LAMA1: variants seen among roughly 807,000 people sequenced by gnomAD.
The protein encoded by LAMA1 is laminin subunit alpha-1.
A neutral mutation model predicts 348.7 loss-of-function variants in LAMA1; 219 were observed. The observed-to-expected ratio is 0.63, with a 90% CI of 0.56 to 0.70. The LOEUF is 0.70. LAMA1 is among the 30% of genes least tolerant of loss of function. LAMA1 has a pLI of 0.00. For missense variants in LAMA1, 3,744 were observed against 3,888.0 expected (o/e 0.96, Z 0.99); for synonymous variants, 1,487 against 1,491.0 (o/e 1.00, Z 0.06).
intron 53 of LAMA1, 136 bp from the exon 54 acceptor site, chr18:6,959,628 T>C: frequency 2.3e-6 from 2 of 874,416 alleles, no homozygotes; most frequent in Non-Finnish European, 3.7e-6. Flanking sequence ...TCTTCAGCTG[T>C]CACAATGTTA....
chr18:6,979,792 G>A (rs866860493), intron 42 of LAMA1, among the ~76,000 whole-genome samples: 10 of 151,934 alleles, frequency 6.6e-5, no homozygotes, highest in African/African-American at 1.7e-4. Context: ...CCAGCTACTC[G>A]GGAGGCTGAG....
intron 59 of LAMA1, 64 bp downstream of exon 59, chr18:6,949,037 C>G: frequency 1.3e-6 from 2 of 1,593,804 alleles, no homozygotes; most frequent in Non-Finnish European, 1.7e-6. Flanking sequence ...GTGAGGTATG[C>G]TCTTCTACAA....
chr18:7,032,118 G>C lies in LAMA1; in HGVS notation c.2222C>G (p.Pro741Arg). The change falls in exon 16 of 63, where the codon CCC becomes CGC. Residue 741 changes from proline to arginine, a missense_variant. Around this residue, in one of 3 missense-constraint regions of LAMA1, gnomAD observed 1,529 missense variants for 1,689.4 expected, o/e 0.91. Transcript: ENST00000389658. Reference protein sequence around the residue: ...DGILFGGICQPCECHGHAAEC... With the variant: ...DGILFGGICQRCECHGHAAEC... ...AGCTGCATGGCCGTGGCATTCACAG[G>C]GTTGACAAATTCCTCCAAAGAGTAT... The C allele has an allele frequency of 6.2e-7, 1 of 1,614,152 alleles. No homozygotes were observed. Among genetic ancestry groups the C allele is most frequent in the Non-Finnish European group, 8.5e-7 (1 of 1,180,028 alleles).
chr18:6,965,901 C>A, intron 49 of LAMA1: 1 of 519,180 alleles, frequency 1.9e-6, no homozygotes, highest in Non-Finnish European at 3.4e-6. Context: ...TCTATAAAGA[C>A]TAGAAGGCTA....
At chr18:7,065,171 T>C (rs2058117566) in intron 3 of LAMA1, among the ~76,000 whole-genome samples, 1 of 147,228 alleles carries the variant, frequency 6.8e-6, no homozygotes, top group African/African-American at 2.6e-5. Flanking sequence ...AGGCGGAGGT[T>C]GCAGTGAGCT....
Position 7,007,165 on chromosome 18 carries a change from A to T in LAMA1, c.4234T>A (p.Cys1412Ser), listed in dbSNP as rs766015898. 6.2e-7 allele frequency: 1 copy of T among 1,614,152 alleles called. No individual in the cohort carries two copies. Among genetic ancestry groups the T allele is most frequent in the Non-Finnish European group, 8.5e-7 (1 of 1,180,016 alleles). ...AGACACTTCCCGGTGTTGGGGTCAC[A>T]GGTGTCACTGTGGTTGTTGCAACTG... ...PCSCNNHSDT[C>S]DPNTGKCLNC... The change falls in exon 29 of 63, where the codon TGT (cysteine) becomes AGT (serine). Residue 1412 changes from cysteine to serine, a missense_variant. Cys to Ser is a moderately radical substitution (Grantham distance 112, BLOSUM62 -1). Coordinates refer to ENST00000389658, the MANE Select transcript of LAMA1 (RefSeq NM_005559.4).
chr18:6,992,282 T>C (rs2057762243), intron 36 of LAMA1, among the ~76,000 whole-genome samples: 1 of 152,206 alleles, frequency 6.6e-6, no homozygotes, highest in Non-Finnish European at 1.5e-5. Context: ...ATGCTGTTTG[T>C]GCTAAGTGGA....
chr18:7,081,445 C>T (rs564636316), intron 1 of LAMA1, among the ~76,000 whole-genome samples: 3 of 152,132 alleles, frequency 2.0e-5, no homozygotes, highest in Admixed American at 6.6e-5. Context: ...TTCTTTACTC[C>T]TGTTTTCTTT....
At chr18:6,971,060 T>C (rs979502501) in intron 48 of LAMA1, among the ~76,000 whole-genome samples, 16 of 152,242 alleles carry the variant, frequency 1.1e-4, no homozygotes, top group Admixed American at 5.2e-4. Context: ...TAATTGCAGA[T>C]ATCCATCTGG....
intron 4 of LAMA1, among the ~76,000 whole-genome samples, chr18:7,049,505 C>T (rs1026690037): frequency 1.3e-5 from 2 of 152,046 alleles, no homozygotes; most frequent in Admixed American, 1.3e-4. Flanking sequence ...TCACTATATT[C>T]ACCAGGTTGG....
intron 1 of LAMA1, among the ~76,000 whole-genome samples, chr18:7,093,233 G>A (rs946373021): frequency 1.6e-4 from 24 of 152,210 alleles, no homozygotes; most frequent in South Asian, 4.1e-4. Context: ...TGGCTAACAC[G>A]GTGAAACCCC....
rs139968973 is a variant in LAMA1 at position 7,077,427 on chromosome 18, G to T, written c.345+2548C>A. 8.6e-3 allele frequency among the ~76,000 whole-genome samples: 1,303 copies of T among 151,948 alleles called. 14 individuals carry two copies. Among genetic ancestry groups the T allele is most frequent in the Non-Finnish European group, 0.013 (900 of 67,940 alleles). On this transcript the variant is annotated intron_variant, in intron 3 of 62. Transcript: ENST00000389658. ...TCACTGTGTTAGCCAGGATGGTCTC[G>T]ATCTCCTGACCTCGTGATCCGCCCA...
intron 30 of LAMA1, among the ~76,000 whole-genome samples, chr18:7,001,407 GT>G (rs1384922814): frequency 1.3e-5 from 2 of 152,122 alleles, no homozygotes; most frequent in East Asian, 3.8e-4. Flanking sequence ...GACTACAGAA[GT>G]GGAATTGACA....
chr18:7,015,071 A>G (rs557243206), intron 22 of LAMA1, among the ~76,000 whole-genome samples: 2 of 152,208 alleles, frequency 1.3e-5, no homozygotes, highest in Non-Finnish European at 2.9e-5. Context: ...GATGGTCTCA[A>G]TCTCCTGACC....
rs770312992 is a variant in LAMA1 at position 6,950,931 on chromosome 18, C to T, written c.8248G>A (p.Gly2750Ser). ...TGATGAGCCATGTAGTAAATCAGGCCGCTGGAGGCGAACGTGCGGATGCTT... is the reference window on the plus strand; with the variant it reads ...TGATGAGCCATGTAGTAAATCAGGCTGCTGGAGGCGAACGTGCGGATGCTT... ...ELSIRTFASS[G>S]LIYYMAHQNQ... The change falls in exon 58 of 63, where the codon GGC becomes AGC. Residue 2750 changes from glycine to serine, a missense_variant. Around this residue, in one of 3 missense-constraint regions of LAMA1, gnomAD observed 1,983 missense variants for 1,934.3 expected, o/e 1.03. Coordinates refer to ENST00000389658, the MANE Select transcript of LAMA1 (RefSeq NM_005559.4). 9 of 1,613,998 alleles carry T rather than the reference C, an allele frequency of 5.6e-6. No homozygotes were observed. The East Asian group carries it at 1.3e-4, about 24-fold the overall frequency.
At chr18:6,998,907 C>G (rs113962871) in intron 32 of LAMA1, among the ~76,000 whole-genome samples, 22,335 of 152,096 alleles carry the variant, frequency 0.15, 1,769 homozygotes, top group African/African-American at 0.2. Context: ...GTGGTGGACA[C>G]CTGTGATCCC....
At chr18:7,041,776 T>C (rs558318534) in intron 9 of LAMA1, among the ~76,000 whole-genome samples, 11 of 152,334 alleles carry the variant, frequency 7.2e-5, no homozygotes, top group Admixed American at 3.3e-4. Context: ...CTTCACCAAA[T>C]GCTCAATTAT....
chr18:7,015,881 G>T, intron 21 of LAMA1, 23 bp from the exon 22 acceptor site: 1 of 1,613,898 alleles, frequency 6.2e-7, no homozygotes, highest in Non-Finnish European at 8.5e-7. Flanking sequence ...TGAATGCTGG[G>T]TTACAGATCT....
chr18:7,103,643 A>G (rs890120151), intron 1 of LAMA1, among the ~76,000 whole-genome samples: 8 of 149,702 alleles, frequency 5.3e-5, no homozygotes, highest in African/African-American at 2.0e-4. Context: ...GTGAAACCCC[A>G]TCACTACTAA....
Sources: gnomAD v4.1 joint callset for allele counts (sites outside exome capture counted in the v4.1 genomes callset) on GRCh38, gnomAD v4.1.1 for gene constraint, gnomAD v4.1.1 regional missense constraint, MANE v1.5 for transcripts, NCBI Gene and HGNC (gene_info 2026-07-23, HGNC 2026-07-21) for gene names.